Variants in LRP1B observed in about 807,000 individuals in gnomAD.
LRP1B encodes the protein low-density lipoprotein receptor-related protein 1B.
A neutral mutation model predicts 556.6 loss-of-function variants in LRP1B; 217 were observed. The observed-to-expected ratio is 0.39, with a 90% CI of 0.35 to 0.44. The LOEUF (loss-of-function observed/expected upper bound fraction) is 0.44. LRP1B is among the 20% of genes least tolerant of loss of function. The pLI, the probability that LRP1B is intolerant of heterozygous loss-of-function variation, is 1.00. For synonymous variants in LRP1B, 2,047 were observed against 1,865.8 expected (o/e 1.10, Z -2.50); for missense variants, 5,053 against 5,620.8 (o/e 0.90, Z 3.23).
intron 7 of LRP1B, among the ~76,000 whole-genome samples, chr2:141,102,220 G>A (rs1462517172): frequency 2.0e-5 from 3 of 151,996 alleles, no homozygotes; most frequent in Non-Finnish European, 4.4e-5. Context: ...TAGCCAAATA[G>A]GATATATATC....
intron 1 of LRP1B, among the ~76,000 whole-genome samples, 191 bp downstream of exon 1, chr2:142,130,457 G>A (rs187566079): frequency 6.6e-6 from 1 of 152,330 alleles, no homozygotes; most frequent in African/African-American, 2.4e-5. Flanking sequence ...GGGTGCCGAG[G>A]ACTCAGGCAC....
intron 83 of LRP1B, among the ~76,000 whole-genome samples, chr2:140,302,857 G>A (rs1220595766): frequency 2.0e-5 from 3 of 151,694 alleles, no homozygotes; most frequent in Non-Finnish European, 4.4e-5. Flanking sequence ...CCCTTAGACT[G>A]AGAGTTACAC....
At chr2:141,415,492 T>C (rs548987122) in intron 3 of LRP1B, among the ~76,000 whole-genome samples, 29 of 152,186 alleles carry the variant, frequency 1.9e-4, no homozygotes, top group Non-Finnish European at 3.1e-4. Context: ...CCAAATAAAA[T>C]ATATTTTTTA....
At chr2:142,015,786 G>A (rs1317747774) in intron 1 of LRP1B, among the ~76,000 whole-genome samples, 7 of 151,868 alleles carry the variant, frequency 4.6e-5, no homozygotes, top group Middle Eastern at 3.2e-3. Flanking sequence ...GAGGTCAGGC[G>A]ATCGAGACCA....
chr2:141,529,892 T>C (rs974388122), intron 2 of LRP1B, among the ~76,000 whole-genome samples: 1 of 152,162 alleles, frequency 6.6e-6, no homozygotes, highest in Non-Finnish European at 1.5e-5. Context: ...ATACTGTTTA[T>C]GTGGTTGTAT....
intron 3 of LRP1B, among the ~76,000 whole-genome samples, chr2:141,255,181 A>G (rs1045040301): frequency 6.6e-6 from 1 of 152,074 alleles, no homozygotes; most frequent in Non-Finnish European, 1.5e-5. Context: ...AAGTTAGCAA[A>G]CCTTCAGAGC....
chr2:140,955,374 CAA>C (rs1479961746), intron 18 of LRP1B, among the ~76,000 whole-genome samples: 2 of 151,694 alleles, frequency 1.3e-5, no homozygotes, highest in Non-Finnish European at 3.0e-5. Context: ...TTATATTTGA[CAA>C]AGATTTAAAT....
intron 41 of LRP1B, among the ~76,000 whole-genome samples, chr2:140,693,674 G>A (rs1024831568): frequency 1.3e-5 from 2 of 150,564 alleles, no homozygotes; most frequent in Non-Finnish European, 3.0e-5. Flanking sequence ...ACTAGCTTAA[G>A]AATAGCTTTT....
chr2:140,262,311 A>G (rs1681982848), intron 86 of LRP1B, among the ~76,000 whole-genome samples: 1 of 152,186 alleles, frequency 6.6e-6, no homozygotes, highest in Admixed American at 6.6e-5. Context: ...CAGAAATAAA[A>G]AAGACCTAGT....
At chr2:141,683,704 T>G (rs1038014176) in intron 2 of LRP1B, among the ~76,000 whole-genome samples, 8 of 152,120 alleles carry the variant, frequency 5.3e-5, no homozygotes, top group African/African-American at 1.7e-4. Flanking sequence ...TACTTTATGA[T>G]CTGTTAAATT....
intron 1 of LRP1B, among the ~76,000 whole-genome samples, chr2:142,013,447 G>A (rs867968357): frequency 3.9e-5 from 6 of 151,934 alleles, no homozygotes; most frequent in Non-Finnish European, 8.8e-5. Flanking sequence ...CTAGTGTAGA[G>A]TCAGGATAAA....
At chr2:141,074,612 T>TTA (rs1553456140) in intron 7 of LRP1B, among the ~76,000 whole-genome samples, 5 of 118,814 alleles carry the variant, frequency 4.2e-5, no homozygotes, top group Admixed American at 1.0e-4. Context: ...TATATGTTTT[T>TTA]TATATATATA....
rs375630702 is a variant in LRP1B at position 141,843,495 on chromosome 2, A to G, written c.83-33094T>C. 2.6e-5 allele frequency among the ~76,000 whole-genome samples: 4 copies of G among 152,318 alleles called. No homozygotes were observed. The South Asian group carries it at 8.3e-4, about 32-fold the overall frequency. ...CACAATCTAAGTTGTGCCCCGAGTG[A>G]GAATATAACATGAGGGCACAGCTCA... is the stretch of plus-strand genomic sequence containing the variant. On this transcript the variant is annotated intron_variant, in intron 1 of 90. Coordinates refer to ENST00000389484, the MANE Select transcript of LRP1B (RefSeq NM_018557.3).
chr2:141,265,127 C>T (rs1361044010), intron 3 of LRP1B, among the ~76,000 whole-genome samples: 1 of 152,166 alleles, frequency 6.6e-6, no homozygotes, highest in Non-Finnish European at 1.5e-5. Context: ...ATGGCTGAAA[C>T]CACAAACAGG....
chr2:142,030,685 G>C (rs140063749), intron 1 of LRP1B, among the ~76,000 whole-genome samples: 216 of 151,974 alleles, frequency 1.4e-3, no homozygotes, highest in African/African-American at 5.0e-3. Context: ...ATGGAATGGG[G>C]TGCAAGGCAA....
chr2:141,075,912 G>C (rs1324281708), intron 7 of LRP1B, among the ~76,000 whole-genome samples: 1 of 152,142 alleles, frequency 6.6e-6, no homozygotes, highest in African/African-American at 2.4e-5. Context: ...GTTTATACTT[G>C]TGTACACATC....
intron 87 of LRP1B, among the ~76,000 whole-genome samples, chr2:140,241,178 A>C (rs1197263836): frequency 2.0e-5 from 3 of 150,882 alleles, no homozygotes; most frequent in Non-Finnish European, 4.5e-5. Context: ...GGGAAAGTGA[A>C]CTTTATATGC....
chr2:140,528,952 A>C (rs1268893245), intron 47 of LRP1B, among the ~76,000 whole-genome samples: 1 of 152,026 alleles, frequency 6.6e-6, no homozygotes, highest in Non-Finnish European at 1.5e-5. Context: ...AAGATACTGA[A>C]ATCTCTAATT....
intron 41 of LRP1B, among the ~76,000 whole-genome samples, chr2:140,652,053 G>A (rs185141397): frequency 1.3e-5 from 2 of 151,834 alleles, no homozygotes; most frequent in African/African-American, 4.8e-5. Context: ...AAGTTTAAGA[G>A]ATTTTATAAA....
Sources: allele counts gnomAD v4.1 joint callset (sites outside exome capture counted in the v4.1 genomes callset), GRCh38; gene constraint gnomAD v4.1.1; transcripts MANE v1.5; gene names NCBI Gene and HGNC (gene_info 2026-07-23, HGNC 2026-07-21).